LPP: variants seen among roughly 807,000 people sequenced by gnomAD.
The protein encoded by LPP is LIM domain containing preferred translocation partner in lipoma, also known as lipoma-preferred partner.
In LPP, 38 loss-of-function variants were observed where a neutral mutation model predicts 60.4. That is an observed-to-expected ratio of 0.63 (90% CI 0.49 to 0.83). LPP has a LOEUF of 0.83. LPP is among the 40% of genes least tolerant of loss of function. LPP has a pLI of 0.00. For synonymous variants in LPP, 328 were observed against 290.8 expected, an observed-to-expected ratio of 1.13 and a Z score of -1.30; for missense variants, 902 against 783.6, an observed-to-expected ratio of 1.15 and a Z score of -1.80.
intron 8 of LPP, among the ~76,000 whole-genome samples, chr3:188,728,364 C>T (rs7628937): frequency 3.3e-5 from 5 of 151,980 alleles, no homozygotes; most frequent in Admixed American, 6.6e-5. Context: ...AAAGAACCTG[C>T]GTCTTTTGAC....
At chr3:188,569,609 A>G (rs570349135) in intron 6 of LPP, among the ~76,000 whole-genome samples, 4 of 152,002 alleles carry the variant, frequency 2.6e-5, no homozygotes, top group Non-Finnish European at 4.4e-5. Context: ...TATTTTTCTT[A>G]GTAATCCAAT....
At chr3:188,300,518 A>C (rs1469049551) in intron 2 of LPP, among the ~76,000 whole-genome samples, 1 of 144,096 alleles carries the variant, frequency 6.9e-6, no homozygotes, top group Non-Finnish European at 1.5e-5. Context: ...TAAATAAATT[A>C]ATATGTATTG....
At chr3:188,542,461 C>G (rs1962838) in intron 6 of LPP, among the ~76,000 whole-genome samples, 1 of 151,988 alleles carries the variant, frequency 6.6e-6, no homozygotes, top group Non-Finnish European at 1.5e-5. Context: ...AACTACTTGC[C>G]TTGTGCACAG....
chr3:188,250,794 C>CTTTCTTTCTT (rs1553835809), intron 2 of LPP, among the ~76,000 whole-genome samples: 14 of 114,212 alleles, frequency 1.2e-4, no homozygotes, highest in African/African-American at 4.5e-4. Flanking sequence ...TTCTGTCTTT[C>CTTTCTTTCTT]TCTTTCTTTC....
intron 9 of LPP, among the ~76,000 whole-genome samples, chr3:188,835,302 C>CAAA (rs11354742): frequency 1.1e-4 from 14 of 125,970 alleles, no homozygotes; most frequent in African/African-American, 3.8e-4. Flanking sequence ...ACTAAAAATA[C>CAAA]AAAAAAAAAA....
intron 8 of LPP, among the ~76,000 whole-genome samples, chr3:188,753,926 A>G (rs115517957): frequency 2.0e-5 from 3 of 152,272 alleles, no homozygotes; most frequent in Admixed American, 6.5e-5. Context: ...TGACAGAACT[A>G]CATGTGTCCT....
chr3:188,476,806 T>G (rs567258837), intron 4 of LPP, among the ~76,000 whole-genome samples: 1 of 152,290 alleles, frequency 6.6e-6, no homozygotes, highest in East Asian at 1.9e-4. Flanking sequence ...ACTAAAAAAT[T>G]AATGTTCCTC....
chr3:188,660,581 G>C (rs1382354164), intron 7 of LPP, among the ~76,000 whole-genome samples: 7 of 151,880 alleles, frequency 4.6e-5, no homozygotes, highest in Non-Finnish European at 1.0e-4. Context: ...ACTATTTTAG[G>C]CTGCAGTAGT....
chr3:188,748,655 C>T (rs1311596181), intron 8 of LPP, among the ~76,000 whole-genome samples: 4 of 152,030 alleles, frequency 2.6e-5, no homozygotes, highest in Non-Finnish European at 4.4e-5. Context: ...TGGTGACGTG[C>T]GCCTGTAATC....
intron 7 of LPP, among the ~76,000 whole-genome samples, chr3:188,652,550 A>T (rs900717475): frequency 6.6e-6 from 1 of 152,046 alleles, no homozygotes; most frequent in Non-Finnish European, 1.5e-5. Context: ...ATGCAAAAAA[A>T]ACCCTTTTCT....
Position 188,874,563 on chromosome 3 carries a change from C to A in LPP, c.*84C>A. On this transcript the variant is annotated 3_prime_UTR_variant, in exon 12 of 12. Transcript: ENST00000617246. ...TACTAGAGTAAAGGCCATCAAACTA[C>A]GCGATAGTCTCTGTTCTTCATCTGC... is the stretch of plus-strand genomic sequence containing the variant. 2 of 1,443,142 alleles carry A rather than the reference C, an allele frequency of 1.4e-6. No individual in the cohort carries two copies. Among genetic ancestry groups the A allele is most frequent in the East Asian group, 2.3e-5 (1 of 43,362 alleles). The allele number at this position is 1,443,142 out of a possible 1,614,324, so 89.4% of individuals were successfully genotyped here.
At chr3:188,259,721 A>G (rs1299773654) in intron 2 of LPP, among the ~76,000 whole-genome samples, 1 of 152,194 alleles carries the variant, frequency 6.6e-6, no homozygotes, top group Non-Finnish European at 1.5e-5. Context: ...TCAATTCAGC[A>G]GTTGTCCAAA....
intron 4 of LPP, among the ~76,000 whole-genome samples, chr3:188,447,859 A>G (rs1187283100): frequency 6.6e-6 from 1 of 151,980 alleles, no homozygotes; most frequent in Non-Finnish European, 1.5e-5. Context: ...CTCCTCATTT[A>G]CCATCAGTGC....
intron 1 of LPP, among the ~76,000 whole-genome samples, chr3:188,168,551 C>T (rs1259015693): frequency 6.6e-6 from 1 of 152,142 alleles, no homozygotes; most frequent in Non-Finnish European, 1.5e-5. Flanking sequence ...AATGAATAAA[C>T]TTAATATTAA....
chr3:188,424,782 G>A lies in LPP; in HGVS notation c.193+18469G>A, dbSNP rs184438098. The stretch of plus-strand genomic sequence containing the variant: ...GTTTATAGGAATGCTTGTGATTTTT[G>A]TACATTGATTTTGTATCCTGAGACT... On this transcript the variant is annotated intron_variant, in intron 4 of 11. Coordinates refer to ENST00000617246, the MANE Select transcript of LPP (RefSeq NM_001375462.1). 1.3e-3 allele frequency among the ~76,000 whole-genome samples: 197 copies of A among 152,234 alleles called. 1 individual carries two copies. The highest frequency in any genetic ancestry group is 6.8e-3 in the Middle Eastern group (2 of 294).
intron 9 of LPP, among the ~76,000 whole-genome samples, chr3:188,804,239 A>G (rs1748241051): frequency 1.2e-5 from 1 of 82,472 alleles, no homozygotes; most frequent in Non-Finnish European, 2.4e-5. Flanking sequence ...AATGTAGTGC[A>G]TCTTTATATA....
rs1445357348 is a variant in LPP at position 188,203,448 on chromosome 3, AAT to A, written c.-189-21949_-189-21948del. ...ATAAATATAAATATATATTTATATAAATATATATAAATATATATATTTTTAAA... is the reference window on the plus strand; with the variant it reads ...ATAAATATAAATATATATTTATATAAATATATAAATATATATATTTTTAAA... On this transcript the variant is annotated intron_variant, in intron 1 of 11. Transcript: ENST00000617246. Among the ~76,000 whole-genome samples, 32 of 86,598 alleles carry A rather than the reference AAT, an allele frequency of 3.7e-4. 2 individuals are homozygous for A. The highest frequency in any genetic ancestry group is 1.6e-3 in the African/African-American group (30 of 19,270). The allele number at this position is 86,598 out of a possible 152,430, so 56.8% of individuals were successfully genotyped here. A position where few individuals can be genotyped will look rare whatever the true frequency, so the allele number is the denominator to read the frequency against.
At chr3:188,503,635 C>T (rs1812576990) in intron 5 of LPP, among the ~76,000 whole-genome samples, 2 of 145,732 alleles carry the variant, frequency 1.4e-5, no homozygotes, top group South Asian at 2.4e-4. Context: ...AGAACTCTCT[C>T]ACCTCTTTTT....
At chr3:188,334,964 A>G (rs1378292501) in intron 2 of LPP, among the ~76,000 whole-genome samples, 2 of 152,082 alleles carry the variant, frequency 1.3e-5, no homozygotes, top group African/African-American at 2.4e-5. Flanking sequence ...TATTAAAGAG[A>G]TTCTTCTTGT....
Sources: gnomAD v4.1 joint callset for allele counts (sites outside exome capture counted in the v4.1 genomes callset) on GRCh38, gnomAD v4.1.1 for gene constraint, MANE v1.5 for transcripts, NCBI Gene and HGNC (gene_info 2026-07-23, HGNC 2026-07-21) for gene names.